ITSN2: variants seen among roughly 807,000 people sequenced by gnomAD.
ITSN2 encodes the protein intersectin 2.
A neutral mutation model predicts 243.7 loss-of-function variants in ITSN2; 156 were observed. The observed-to-expected ratio is 0.64, with a 90% CI of 0.56 to 0.73. The LOEUF (loss-of-function observed/expected upper bound fraction) is 0.73, where lower values mean the gene tolerates loss of function less well. Ranked by LOEUF, ITSN2 falls within the 30% of genes least tolerant of loss-of-function variation. The pLI is 0.00. For synonymous variants in ITSN2, 703 were observed against 699.9 expected (o/e 1.00, Z -0.07); for missense variants, 1,801 against 1,996.1 (o/e 0.90, Z 1.86).
intron 27 of ITSN2, 99 bp from the exon 28 acceptor site, chr2:24,246,992 ATAATT>A: frequency 2.4e-6 from 2 of 822,202 alleles, no homozygotes; most frequent in South Asian, 3.4e-5. Context: ...TGTGTAGTAA[ATAATT>A]TAATTTTGCC....
intron 1 of ITSN2, among the ~76,000 whole-genome samples, chr2:24,355,593 TAA>T (rs1192028634): frequency 7.9e-5 from 12 of 152,262 alleles, no homozygotes; most frequent in Admixed American, 2.0e-4. Context: ...TGAGATGAAT[TAA>T]AGACTTAAAT....
At chr2:24,276,869 T>C (rs1213459223) in intron 17 of ITSN2, among the ~76,000 whole-genome samples, 1 of 152,154 alleles carries the variant, frequency 6.6e-6, no homozygotes, top group Non-Finnish European at 1.5e-5. Context: ...TGCAGCTCAT[T>C]AAACTGGGAT....
chr2:24,310,220 T>C, intron 7 of ITSN2, 64 bp downstream of exon 7: 1 of 1,072,132 alleles, frequency 9.3e-7, no homozygotes, highest in Non-Finnish European at 1.4e-6. Flanking sequence ...TTTAAAAAAA[T>C]CATTTGTTAA....
At chr2:24,337,649 T>TAC (rs1491357725) in intron 1 of ITSN2, among the ~76,000 whole-genome samples, 1 of 103,600 alleles carries the variant, frequency 9.7e-6, no homozygotes, top group African/African-American at 3.4e-5. Flanking sequence ...CACGCCTGGC[T>TAC]TTTTTTTTTT....
intron 15 of ITSN2, among the ~76,000 whole-genome samples, chr2:24,293,068 T>C (rs1680465429): frequency 6.6e-6 from 1 of 152,208 alleles, no homozygotes; most frequent in African/African-American, 2.4e-5. Context: ...TTTATTGGTA[T>C]AGTATCCAAT....
At chr2:24,205,320 T>C in intron 37 of ITSN2, 23 bp from the exon 38 acceptor site, 2 of 1,594,720 alleles carry the variant, frequency 1.3e-6, no homozygotes, top group Non-Finnish European at 1.7e-6. Context: ...AAGACAAGTC[T>C]CATTAATCTC....
chr2:24,316,175 A>G (rs192046645), intron 2 of ITSN2, among the ~76,000 whole-genome samples: 27 of 152,350 alleles, frequency 1.8e-4, no homozygotes, highest in Non-Finnish European at 7.3e-5. Flanking sequence ...ATAAACAGGT[A>G]GGGTGGAATT....
intron 4 of ITSN2, among the ~76,000 whole-genome samples, chr2:24,312,966 A>G (rs547172955): frequency 4.6e-5 from 7 of 152,250 alleles, no homozygotes; most frequent in African/African-American, 1.4e-4. Context: ...GATAATGTAT[A>G]TATCTTTCCT....
At chr2:24,279,525 T>A (rs1678475337) in intron 17 of ITSN2, among the ~76,000 whole-genome samples, 1 of 152,168 alleles carries the variant, frequency 6.6e-6, no homozygotes, top group Non-Finnish European at 1.5e-5. Flanking sequence ...CTATATGCGA[T>A]CTCATTTAAT....
intron 26 of ITSN2, 32 bp downstream of exon 26, chr2:24,248,805 T>C: frequency 6.2e-7 from 1 of 1,613,418 alleles, no homozygotes. Flanking sequence ...GCAAACACGT[T>C]AGTAATTTTT....
At chr2:24,237,500 A>C (rs1253570160) in intron 29 of ITSN2, among the ~76,000 whole-genome samples, 1 of 152,034 alleles carries the variant, frequency 6.6e-6, no homozygotes, top group Non-Finnish European at 1.5e-5. Flanking sequence ...ATGTCATTCC[A>C]CCAGGTGGTG....
At chr2:24,222,252 C>CAAAAAAAAAAAAAAAAAAAAAACA (rs549424233) in intron 29 of ITSN2, among the ~76,000 whole-genome samples, 1 of 64,974 alleles carries the variant, frequency 1.5e-5, no homozygotes, top group African/African-American at 6.1e-5. Flanking sequence ...ACTTCATCTC[C>CAAAAAAAAAAAAAAAAAAAAAACA]AAAAAAAAAA....
chr2:24,312,739 G>C lies in ITSN2; in HGVS notation c.189-364C>G, dbSNP rs748025942. On this transcript the variant is annotated intron_variant, in intron 4 of 39. Coordinates refer to ENST00000355123, the MANE Select transcript of ITSN2 (RefSeq NM_006277.3). ...TGCTATGTGCCTCGTACTCTACCAG[G>C]CATGAGAATATTCCAAGTGGAAAGA... Among the ~76,000 whole-genome samples, 25 of 152,192 alleles carry C rather than the reference G, an allele frequency of 1.6e-4. No homozygotes were observed. The South Asian group carries it at 2.1e-3, about 13-fold the overall frequency.
intron 2 of ITSN2, among the ~76,000 whole-genome samples, chr2:24,315,757 T>TC (rs951698317): frequency 3.3e-5 from 5 of 151,006 alleles, no homozygotes; most frequent in African/African-American, 5.0e-5. Context: ...GTGTGGCACT[T>TC]CCCCCCTTGC....
chr2:24,312,433 G>T, intron 4 of ITSN2, 58 bp from the exon 5 acceptor site: 1 of 1,302,064 alleles, frequency 7.7e-7, no homozygotes, highest in Non-Finnish European at 1.0e-6. Context: ...GAAAACTAAC[G>T]TTATTTTGGG....
chr2:24,288,490 CAT>C (rs1046492339), intron 15 of ITSN2, among the ~76,000 whole-genome samples: 6 of 152,120 alleles, frequency 3.9e-5, no homozygotes, highest in African/African-American at 1.4e-4. Context: ...AGCTAATTAA[CAT>C]AATGTGTATG....
At chr2:24,267,066 CT>C (rs1319954788) in intron 20 of ITSN2, among the ~76,000 whole-genome samples, 2 of 152,194 alleles carry the variant, frequency 1.3e-5, no homozygotes, top group Middle Eastern at 3.4e-3. Context: ...AGCATTGTAC[CT>C]GATTTAAATG....
At chr2:24,282,531 A>C (rs1487337543) in intron 17 of ITSN2, among the ~76,000 whole-genome samples, 1 of 152,204 alleles carries the variant, frequency 6.6e-6, no homozygotes, top group Non-Finnish European at 1.5e-5. Flanking sequence ...GTGATAAGGA[A>C]GGGGGTCTAA....
At chr2:24,247,173 G>C (rs1394108464) in intron 27 of ITSN2, among the ~76,000 whole-genome samples, 4 of 152,130 alleles carry the variant, frequency 2.6e-5, no homozygotes, top group Non-Finnish European at 1.5e-5. Flanking sequence ...TACCTTGGTA[G>C]GGGATGGAGA....
Sources: allele counts gnomAD v4.1 joint callset (sites outside exome capture counted in the v4.1 genomes callset), GRCh38; gene constraint gnomAD v4.1.1; transcripts MANE v1.5; gene names NCBI Gene and HGNC (gene_info 2026-07-23, HGNC 2026-07-21).